CSMD2: variants seen among roughly 807,000 people sequenced by gnomAD.
CSMD2 encodes CUB and sushi domain-containing protein 2.
A neutral mutation model predicts 398.5 loss-of-function variants in CSMD2; 130 were observed. The observed-to-expected ratio is 0.33, with a 90% CI of 0.28 to 0.38. CSMD2 has a LOEUF of 0.38. CSMD2 is among the 10% of genes least tolerant of loss of function. The probability of loss-of-function intolerance (pLI) is 1.00; values close to 1 mark genes in which losing one functional copy is unlikely to be tolerated. For synonymous variants in CSMD2, 1,828 were observed against 1,908.5 expected, an observed-to-expected ratio of 0.96 and a Z score of 1.10; for missense variants, 3,829 against 4,764.9, an observed-to-expected ratio of 0.80 and a Z score of 5.78.
In CSMD2 at chr1:34,032,582, G is replaced by A. The variant is rs1430064566; in HGVS notation, c.517+12C>T. On this transcript the variant is annotated intron_variant, in intron 3 of 70. Transcript: ENST00000373381. ...ATCTCCGGCTCCTGTGGCCGATGAGGGAGGCACTTACCTTCATAGGTGGCG... is the reference window on the plus strand; with the variant it reads ...ATCTCCGGCTCCTGTGGCCGATGAGAGAGGCACTTACCTTCATAGGTGGCG... The A allele has an allele frequency of 1.3e-6, 2 of 1,543,936 alleles. No individual in the cohort carries two copies. The highest frequency in any genetic ancestry group is 1.7e-4 in the Middle Eastern group (1 of 5,850).
At chr1:33,673,327 TA>T (rs1644582048) in intron 25 of CSMD2, among the ~76,000 whole-genome samples, 1 of 152,186 alleles carries the variant, frequency 6.6e-6, no homozygotes, top group African/African-American at 2.4e-5. Context: ...CAAGCCTCAG[TA>T]GCTGATGCGT....
intron 24 of CSMD2, among the ~76,000 whole-genome samples, chr1:33,697,073 G>C (rs1310247500): frequency 6.6e-6 from 1 of 152,164 alleles, no homozygotes; most frequent in East Asian, 1.9e-4. Context: ...AAGTTTAAAT[G>C]CTCTTATACT....
intron 46 of CSMD2, 97 bp from the exon 47 acceptor site, chr1:33,583,927 A>C: frequency 2.0e-6 from 2 of 1,014,626 alleles, no homozygotes; most frequent in East Asian, 2.4e-5. Context: ...AACCCCTAGA[A>C]AATCAGTATT....
chr1:33,517,611 C>T (rs1403837922), intron 70 of CSMD2, among the ~76,000 whole-genome samples: 1 of 152,180 alleles, frequency 6.6e-6, no homozygotes, highest in Non-Finnish European at 1.5e-5. Context: ...ATTGGGCATA[C>T]AGATGAAACT....
At chr1:34,086,032 A>G (rs938786322) in intron 2 of CSMD2, among the ~76,000 whole-genome samples, 8 of 151,108 alleles carry the variant, frequency 5.3e-5, no homozygotes, top group African/African-American at 7.4e-5. Flanking sequence ...AAAAAAAAAA[A>G]AAAGAAAGAA....
rs558742928 is a variant in CSMD2 at position 33,713,775 on chromosome 1, C to T, written c.3406+812G>A. On this transcript the variant is annotated intron_variant, in intron 21 of 70. Transcript: ENST00000373381. ...ATGGTTTGGGTCTTGGTCCTCTGTT[C>T]CCTCTTCTCCCAGATATCTATCTCT... Among the ~76,000 whole-genome samples, 4 of 152,230 alleles carry T rather than the reference C, an allele frequency of 2.6e-5. No homozygotes were observed. The East Asian group carries it at 7.7e-4, about 29-fold the overall frequency.
chr1:33,948,294 A>C (rs1644899984), intron 3 of CSMD2, among the ~76,000 whole-genome samples: 1 of 152,150 alleles, frequency 6.6e-6, no homozygotes, highest in Non-Finnish European at 1.5e-5. Flanking sequence ...CAGGTGGTAG[A>C]ATGGACTCTA....
intron 5 of CSMD2, among the ~76,000 whole-genome samples, chr1:33,914,313 G>C (rs181529123): frequency 6.2e-4 from 95 of 152,278 alleles, no homozygotes; most frequent in Non-Finnish European, 1.2e-3. Context: ...AAGGTGGTCT[G>C]GGGGTGAGGG....
At chr1:33,699,171 T>C (rs1240487360) in intron 23 of CSMD2, among the ~76,000 whole-genome samples, 1 of 152,182 alleles carries the variant, frequency 6.6e-6, no homozygotes, top group Non-Finnish European at 1.5e-5. Context: ...CTTTTAATAG[T>C]TTTCAGGCCT....
At chr1:33,701,333 C>A (rs2149123109) in intron 22 of CSMD2, among the ~76,000 whole-genome samples, 1 of 152,346 alleles carries the variant, frequency 6.6e-6, no homozygotes, top group East Asian at 1.9e-4. Context: ...TGGCTTCCCT[C>A]ACTCCCATCT....
chr1:33,946,457 G>C (rs181220688), intron 3 of CSMD2, among the ~76,000 whole-genome samples: 1 of 152,252 alleles, frequency 6.6e-6, no homozygotes, highest in African/African-American at 2.4e-5. Flanking sequence ...TTTGTTCTGG[G>C]GGCAGGATTG....
chr1:33,976,327 G>A (rs1645962217), intron 3 of CSMD2, among the ~76,000 whole-genome samples: 1 of 152,196 alleles, frequency 6.6e-6, no homozygotes, highest in African/African-American at 2.4e-5. Flanking sequence ...TCCAAAAGGG[G>A]GTGGTTGGGG....
chr1:33,903,516 A>T (rs867137189), intron 5 of CSMD2, among the ~76,000 whole-genome samples: 9 of 152,284 alleles, frequency 5.9e-5, no homozygotes, highest in Middle Eastern at 6.8e-3. Context: ...TTATTACTTA[A>T]AATACTTGGT....
At chr1:33,724,073 A>G in intron 19 of CSMD2, 124 bp downstream of exon 19, 1 of 691,606 alleles carries the variant, frequency 1.4e-6, no homozygotes, top group Non-Finnish European at 2.6e-6. Context: ...GTTGGTGAGA[A>G]AAGTTCAGAC....
chr1:33,960,332 G>A (rs1405145194), intron 3 of CSMD2, among the ~76,000 whole-genome samples: 1 of 152,138 alleles, frequency 6.6e-6, no homozygotes, highest in Admixed American at 6.5e-5. Flanking sequence ...CTCTGCCCCT[G>A]GCATACCTCA....
intron 3 of CSMD2, among the ~76,000 whole-genome samples, chr1:34,014,788 C>G (rs1647853711): frequency 6.6e-6 from 1 of 152,228 alleles, no homozygotes. Context: ...ACAACAGCAA[C>G]AACAAAACAC....
At chr1:33,795,242 A>G (rs1188370820) in intron 10 of CSMD2, among the ~76,000 whole-genome samples, 1 of 152,178 alleles carries the variant, frequency 6.6e-6, no homozygotes, top group Non-Finnish European at 1.5e-5. Context: ...GGAGCGAGTT[A>G]TTAAAGAGGA....
chr1:33,655,338 A>G lies in CSMD2; in HGVS notation c.4447+2608T>C, dbSNP rs191187897. ...TCATCTCGAAAGTAAAAGAATAATGATGATAATGGCTTCTAACATACACAG... is the reference window on the plus strand; with the variant it reads ...TCATCTCGAAAGTAAAAGAATAATGGTGATAATGGCTTCTAACATACACAG... On this transcript the variant is annotated intron_variant, in intron 27 of 70. Coordinates refer to ENST00000373381, the MANE Select transcript of CSMD2 (RefSeq NM_001281956.2). Among the ~76,000 whole-genome samples, 225 of 152,370 alleles carry G rather than the reference A, an allele frequency of 1.5e-3. 3 individuals are homozygous for G. Among genetic ancestry groups the G allele is most frequent in the Admixed American group, 0.013 (199 of 15,310 alleles).
intron 3 of CSMD2, among the ~76,000 whole-genome samples, chr1:34,024,541 C>T (rs572313962): frequency 6.6e-6 from 1 of 152,184 alleles, no homozygotes; most frequent in East Asian, 1.9e-4. Flanking sequence ...AGAAGTGCTG[C>T]CCAATTTGTC....
Sources: gnomAD v4.1 joint callset for allele counts (sites outside exome capture counted in the v4.1 genomes callset) on GRCh38, gnomAD v4.1.1 for gene constraint, MANE v1.5 for transcripts, NCBI Gene and HGNC (gene_info 2026-07-23, HGNC 2026-07-21) for gene names.